DHTKD1: variants seen among roughly 807,000 people sequenced by gnomAD.
DHTKD1 encodes dehydrogenase E1 and transketolase domain containing 1, also known as 2-oxoadipate dehydrogenase complex component E1.
Under a neutral mutation model 101.8 loss-of-function variants are expected in DHTKD1, and 78 were observed. That is an observed-to-expected ratio of 0.77 (90% confidence interval 0.64 to 0.93). The LOEUF (loss-of-function observed/expected upper bound fraction) is 0.93, where lower values mean the gene tolerates loss of function less well. DHTKD1 is among the 40% of genes least tolerant of loss of function. The pLI is 0.00. For missense variants in DHTKD1, 1,223 were observed against 1,161.7 expected, an observed-to-expected ratio of 1.05 and a Z score of -0.77; for synonymous variants, 462 against 450.3, an observed-to-expected ratio of 1.03 and a Z score of -0.33.
rs7073598 is a variant in DHTKD1 at position 12,103,921 on chromosome 10, T to G, written c.1897-2325T>G. Among the ~76,000 whole-genome samples, 11,006 of 152,220 alleles carry G rather than the reference T, an allele frequency of 0.072. 471 individuals carry two copies. Among genetic ancestry groups the G allele is most frequent in the Non-Finnish European group, 0.1 (7,000 of 68,006 alleles). On this transcript the variant is annotated intron_variant, in intron 10 of 16. Coordinates refer to ENST00000263035, the MANE Select transcript of DHTKD1 (RefSeq NM_018706.7). This position sits in a 1 kb window ranked among gnomAD's most constrained non-coding sequence, Gnocchi z 4.8. ...GCAGTTTGTAGTCTATTCACAGAGT[T>G]GTGTAATCATCACCACTATCTAATT...
chr10:12,113,114 C>T (rs1176027612), intron 13 of DHTKD1, 50 bp downstream of exon 13: 1 of 1,459,736 alleles, frequency 6.9e-7, no homozygotes, highest in Non-Finnish European at 9.2e-7. Context: ...ATTTTTTGCA[C>T]TCCATTTTTC....
intron 4 of DHTKD1, 31 bp from the exon 5 acceptor site, chr10:12,088,955 A>G (rs1564391283): frequency 1.3e-6 from 2 of 1,591,436 alleles, no homozygotes; most frequent in East Asian, 2.2e-5. Flanking sequence ...GATGAATGCC[A>G]TTTTTTTCCT....
chr10:12,087,529 C>T lies in DHTKD1; in HGVS notation c.523-6C>T, dbSNP rs770345642. 1.3e-6 allele frequency: 2 copies of T among 1,586,346 alleles called. No homozygotes were observed. Among genetic ancestry groups the T allele is most frequent in the Admixed American group, 1.8e-5 (1 of 56,840 alleles). Reference sequence around the variant, plus strand: ...GGCAGCTCACGTCTGACATGATGTTCTGCAGGAGTTTGACCACTTTCTGGC... The same window carrying T: ...GGCAGCTCACGTCTGACATGATGTTTTGCAGGAGTTTGACCACTTTCTGGC... On this transcript the variant is annotated splice_polypyrimidine_tract_variant and splice_region_variant and intron_variant, in intron 3 of 16. Coordinates refer to ENST00000263035, the MANE Select transcript of DHTKD1 (RefSeq NM_018706.7). This position sits in a 1 kb window ranked among gnomAD's most constrained non-coding sequence, Gnocchi z 5.2.
intron 8 of DHTKD1, 53 bp downstream of exon 8, chr10:12,098,049 G>C: frequency 2.0e-6 from 3 of 1,505,586 alleles, no homozygotes; most frequent in Non-Finnish European, 1.8e-6. Flanking sequence ...CTCAGCAAAG[G>C]AGCTGACGTT....
rs185954561 is a variant in DHTKD1, at chr10:12,119,442, C to T, written c.2572+524C>T. 4.6e-3 allele frequency among the ~76,000 whole-genome samples: 687 copies of T among 150,970 alleles called. 10 individuals carry two copies. The highest frequency in any genetic ancestry group is 0.016 in the African/African-American group (650 of 41,004). On this transcript the variant is annotated intron_variant, in intron 15 of 16. Transcript: ENST00000263035. ...CATCCTGGCTAACACAGTGAAACCC[C>T]GTCTCTACTGAAAATACAAAAAAAT...
chr10:12,120,653 C>A lies in DHTKD1; in HGVS notation c.2659-134C>A. ...AGCCCTGTCCCTCTAATCTCTTCTGCGTAACTCATTATTTGAAAGAGGTGA... is the reference window on the plus strand; with the variant it reads ...AGCCCTGTCCCTCTAATCTCTTCTGAGTAACTCATTATTTGAAAGAGGTGA... On this transcript the variant is annotated intron_variant, in intron 16 of 16. Coordinates refer to ENST00000263035, the MANE Select transcript of DHTKD1 (RefSeq NM_018706.7). The A allele has an allele frequency of 7.7e-6, 6 of 778,852 alleles. No individual in the cohort carries two copies. The Admixed American group carries it at 1.1e-4, about 14-fold the overall frequency. 48.2% of individuals were successfully genotyped at this position (778,852 alleles called of 1,614,324 possible).
chr10:12,099,793 C>CTTTTTTTTTTTTT (rs55758504), intron 8 of DHTKD1, among the ~76,000 whole-genome samples: 1 of 96,188 alleles, frequency 1.0e-5, no homozygotes, highest in Admixed American at 1.2e-4. Context: ...AATTTCGTTG[C>CTTTTTTTTTTTTT]TTTTTTTTTT....
chr10:12,087,195 C>T lies in DHTKD1; in HGVS notation c.523-340C>T, dbSNP rs975132477. On this transcript the variant is annotated intron_variant, in intron 3 of 16. Coordinates refer to ENST00000263035, the MANE Select transcript of DHTKD1 (RefSeq NM_018706.7). The surrounding 1 kb of genome is among the most constrained non-coding windows in gnomAD (Gnocchi z 5.2). ...GATAGTTTGCAGCCTTGATTCATAC[C>T]GTAGAGCCCCGTGTGAAAACTGGGG... Among the ~76,000 whole-genome samples, 3 of 152,060 alleles carry T rather than the reference C, an allele frequency of 2.0e-5. No homozygotes were observed. The highest frequency in any genetic ancestry group is 4.4e-5 in the Non-Finnish European group (3 of 68,026).
intron 6 of DHTKD1, 106 bp downstream of exon 6, chr10:12,091,790 C>A: frequency 1.2e-6 from 1 of 811,570 alleles, no homozygotes; most frequent in Non-Finnish European, 1.9e-6. Flanking sequence ...TCCCTCCTTT[C>A]ATTTAATTAA....
chr10:12,120,625 C>T (rs1389834361), intron 16 of DHTKD1, among the ~76,000 whole-genome samples, 162 bp from the exon 17 acceptor site: 1 of 152,140 alleles, frequency 6.6e-6, no homozygotes, highest in East Asian at 1.9e-4. Context: ...CATTGAGGCA[C>T]GGAGCCCTGT....
At chr10:12,088,962 T>G in intron 4 of DHTKD1, 24 bp from the exon 5 acceptor site, 11 of 1,595,930 alleles carry the variant, frequency 6.9e-6, no homozygotes, top group Non-Finnish European at 9.4e-6. Flanking sequence ...GCCATTTTTT[T>G]CCTTTTGAAT....
rs1213642234 is a variant in DHTKD1, at chr10:12,110,904, T to C, written c.2155-1996T>C. On this transcript the variant is annotated intron_variant, in intron 12 of 16. Coordinates refer to ENST00000263035, the MANE Select transcript of DHTKD1 (RefSeq NM_018706.7). The surrounding 1 kb of genome is among the most constrained non-coding windows in gnomAD (Gnocchi z 4.9). Reference sequence around the variant, plus strand: ...AATAAAACTAAAAAAATTAGCTGGGTGGGTGGTGGTGCGTGCCCATAATCC... The same window carrying C: ...AATAAAACTAAAAAAATTAGCTGGGCGGGTGGTGGTGCGTGCCCATAATCC... 6.6e-6 allele frequency among the ~76,000 whole-genome samples: 1 copy of C among 151,464 alleles called. No individual in the cohort carries two copies. Among genetic ancestry groups the C allele is most frequent in the African/African-American group, 2.4e-5 (1 of 41,220 alleles).
intron 3 of DHTKD1, among the ~76,000 whole-genome samples, chr10:12,084,976 A>G (rs901168340): frequency 6.6e-6 from 1 of 152,058 alleles, no homozygotes; most frequent in Non-Finnish European, 1.5e-5. Context: ...GCTTGAACCC[A>G]GGAGGCAGAG....
At chr10:12,119,507 T>G (rs890825621) in intron 15 of DHTKD1, among the ~76,000 whole-genome samples, 4 of 149,378 alleles carry the variant, frequency 2.7e-5, no homozygotes, top group South Asian at 4.2e-4. Flanking sequence ...TCCCAGCTAC[T>G]TGGGAGGCTG....
intron 1 of DHTKD1, among the ~76,000 whole-genome samples, chr10:12,077,953 G>A (rs572841899): frequency 1.7e-4 from 26 of 152,230 alleles, no homozygotes; most frequent in African/African-American, 6.0e-4. Flanking sequence ...GTCTGAGGGA[G>A]CATGTGTTGC....
At chr10:12,118,255 G>A (rs1431223299) in intron 14 of DHTKD1, among the ~76,000 whole-genome samples, 1 of 151,998 alleles carries the variant, frequency 6.6e-6, no homozygotes, top group African/African-American at 2.4e-5. Context: ...AGTGGACTTT[G>A]TAGGCGCATG....
At chr10:12,072,461 CAATAAATAAATAAATAAATAAATAA>C (rs1346537116) in intron 1 of DHTKD1, among the ~76,000 whole-genome samples, 17 of 148,402 alleles carry the variant, frequency 1.1e-4, no homozygotes, top group African/African-American at 4.0e-4. Context: ...GACTCTGTCT[CAATAAATAAATAAATAAATAAATAA>C]ATAAATAAAT....
intron 13 of DHTKD1, among the ~76,000 whole-genome samples, chr10:12,116,033 C>A (rs1833411212): frequency 6.6e-6 from 1 of 151,532 alleles, no homozygotes; most frequent in African/African-American, 2.4e-5. Flanking sequence ...TGGGTTCAAG[C>A]AATTCTCCTG....
At position 12,118,743 on chromosome 10, in the gene DHTKD1, CAACAGGGTT is replaced by C. The variant is rs1274742626; in HGVS notation, c.2403-3_2408del. 6.6e-7 allele frequency: 1 copy of C among 1,511,502 alleles called. No homozygotes were observed. The highest frequency in any genetic ancestry group is 8.9e-7 in the Non-Finnish European group (1 of 1,128,688). 93.6% of individuals were successfully genotyped at this position (1,511,502 alleles called of 1,614,324 possible). A position where few individuals can be genotyped will look rare whatever the true frequency, so the allele number is the denominator to read the frequency against. ...CCCACCCTATTGTTCCTTTTCTGTCCAACAGGGTTAAGACCCTCGTGTTCTGCTCCGGCA... is the reference window on the plus strand; with the variant it reads ...CCCACCCTATTGTTCCTTTTCTGTCCAAGACCCTCGTGTTCTGCTCCGGCA... On this transcript the variant is annotated splice_acceptor_variant and splice_polypyrimidine_tract_variant and coding_sequence_variant and intron_variant, in exon 15 of 17. Coordinates refer to ENST00000263035, the MANE Select transcript of DHTKD1 (RefSeq NM_018706.7). LOFTEE classifies it high-confidence loss of function.
Sources: allele counts gnomAD v4.1 joint callset (sites outside exome capture counted in the v4.1 genomes callset), GRCh38; gene constraint gnomAD v4.1.1; non-coding constraint Gnocchi (gnomAD v3.1); transcripts MANE v1.5; gene names NCBI Gene and HGNC (gene_info 2026-07-23, HGNC 2026-07-21).